RSRP1: variants seen among roughly 807,000 people sequenced by gnomAD.
RSRP1 encodes the protein arginine/serine-rich protein 1.
In RSRP1, 37 loss-of-function variants were observed where a neutral mutation model predicts 33.0. The observed-to-expected ratio is 1.12, with a 90% CI of 0.86 to 1.48. The LOEUF is 1.48. Ranked by LOEUF, RSRP1 falls within the 40% of genes most tolerant of loss-of-function variation. The pLI is 0.00. For synonymous variants in RSRP1, 167 were observed against 158.7 expected, an observed-to-expected ratio of 1.05 and a Z score of -0.40; for missense variants, 402 against 385.3, an observed-to-expected ratio of 1.04 and a Z score of -0.36.
chr1:25,248,194 T>TA (rs1639630952), upstream of RSRP1: 1 of 152,108 alleles, frequency 6.6e-6, no homozygotes, highest in Non-Finnish European at 1.5e-5. Context: ...CTGGGGATAA[T>TA]AATGAAGTCT....
At chr1:25,296,581 C>A (rs1317855043) in intron 1 of RSRP1, among the ~76,000 whole-genome samples, 1 of 130,180 alleles carries the variant, frequency 7.7e-6, no homozygotes, top group Non-Finnish European at 1.8e-5. Context: ...GTTCTGTATC[C>A]CCCTCCAATC....
chr1:25,255,521 A>G (rs533949407), intron 1 of RSRP1, among the ~76,000 whole-genome samples: 5 of 152,030 alleles, frequency 3.3e-5, no homozygotes, highest in Admixed American at 6.5e-5. Context: ...GCAGTCCCCA[A>G]CCCTTTCGGC....
upstream of RSRP1, among the ~76,000 whole-genome samples, chr1:25,252,039 C>T (rs759503803): frequency 6.6e-6 from 1 of 150,474 alleles, no homozygotes; most frequent in East Asian, 1.9e-4. Flanking sequence ...TACAGGTGCA[C>T]GCCACCACGC....
rs1641770297 is a variant in RSRP1, at chr1:25,284,382, C to T, written c.-66-37353G>A. Among the ~76,000 whole-genome samples the T allele has an allele frequency of 5.9e-5, 8 of 135,624 alleles. 1 individual carries two copies. Among genetic ancestry groups the T allele is most frequent in the Admixed American group, 5.7e-4 (8 of 14,084 alleles). 89.0% of individuals were successfully genotyped at this position (135,624 alleles called of 152,430 possible). ...CTCTAATCCTTATCTTATCCCCACA[C>T]GGCATGTTATGTTATCCCCATTATT... On this transcript the variant is annotated intron_variant, in intron 1 of 1. Transcript: ENST00000561867.
chr1:25,243,938 C>A (rs1639122555), intron 3 of RSRP1: 1 of 1,163,568 alleles, frequency 8.6e-7, no homozygotes, highest in Non-Finnish European at 1.1e-6. Flanking sequence ...TCAGAAAATA[C>A]GTTTTAAGAA....
rs1231325217 is a variant in RSRP1 at position 25,301,460 on chromosome 1, G to A, written c.-67+36518C>T. 14 of 1,319,684 alleles carry A rather than the reference G, an allele frequency of 1.1e-5. 3 individuals are homozygous for A. The highest frequency in any genetic ancestry group is 7.2e-5 in the South Asian group (6 of 83,676). The allele number at this position is 1,319,684 out of a possible 1,614,324, so 81.7% of individuals were successfully genotyped here. ...CTAGGATTCTCATCCAAAACCCCTC[G>A]AGGCTCAGACCTTTGGAGCAGGAGT... On this transcript the variant is annotated intron_variant, in intron 1 of 1. Coordinates refer to the RSRP1 transcript ENST00000561867.
chr1:25,253,990 G>T (rs1639871279), intron 1 of RSRP1: 1 of 152,238 alleles, frequency 6.6e-6, no homozygotes, highest in Non-Finnish European at 1.5e-5. Context: ...TGATACATTT[G>T]TTGATCTTAG....
upstream of RSRP1, among the ~76,000 whole-genome samples, chr1:25,251,115 C>T (rs985798668): frequency 6.6e-6 from 1 of 151,996 alleles, no homozygotes; most frequent in Non-Finnish European, 1.5e-5. Context: ...CAGCTGACAG[C>T]CAGGAAACAG....
At chr1:25,318,370 T>A (rs1380487245) in intron 1 of RSRP1, 1 of 131,598 alleles carries the variant, frequency 7.6e-6, no homozygotes, top group East Asian at 2.0e-4. Context: ...GGTAGATCAC[T>A]TGAGGTCAGG....
At chr1:25,258,476 C>T (rs753231811) in intron 1 of RSRP1, among the ~76,000 whole-genome samples, 10 of 152,152 alleles carry the variant, frequency 6.6e-5, no homozygotes, top group African/African-American at 2.2e-4. Flanking sequence ...CCGTGCCCAG[C>T]CGGCAACTGG....
At chr1:25,245,770 C>T (rs1571513201) in intron 2 of RSRP1, among the ~76,000 whole-genome samples, 1 of 152,292 alleles carries the variant, frequency 6.6e-6, no homozygotes, top group East Asian at 1.9e-4. Context: ...TTTTCTCTAG[C>T]TAATAGTGAT....
chr1:25,252,303 A>G (rs1024016491), upstream of RSRP1, among the ~76,000 whole-genome samples: 8 of 152,092 alleles, frequency 5.3e-5, no homozygotes, highest in South Asian at 2.1e-4. Context: ...GCACTCACAC[A>G]TAAGTGCAGA....
At chr1:25,306,604 T>G in intron 1 of RSRP1, 1 of 1,378,348 alleles carries the variant, frequency 7.3e-7, no homozygotes, top group Non-Finnish European at 1.0e-6. Context: ...AGGGGTGTTG[T>G]AACCGAGTGC....
In RSRP1 at chr1:25,268,635, T is replaced by C. The variant is rs1640399325; in HGVS notation, c.-66-21606A>G. On this transcript the variant is annotated intron_variant, in intron 1 of 1. Coordinates refer to the RSRP1 transcript ENST00000561867. ...TGTCAAGGGGAGAAGAAAGGGGAGT[T>C]GATGCTGTCCTTTTAAATAGGGCAG... is the stretch of plus-strand genomic sequence containing the variant. Among the ~76,000 whole-genome samples the C allele has an allele frequency of 1.6e-5, 2 of 128,688 alleles. 1 individual carries two copies. Among genetic ancestry groups the C allele is most frequent in the African/African-American group, 5.3e-5 (2 of 37,722 alleles). The allele number at this position is 128,688 out of a possible 152,430, so 84.4% of individuals were successfully genotyped here. A position where few individuals can be genotyped will look rare whatever the true frequency, so the allele number is the denominator to read the frequency against.
intron 1 of RSRP1, among the ~76,000 whole-genome samples, chr1:25,321,349 CAA>C (rs569995563): frequency 3.3e-4 from 29 of 87,070 alleles, no homozygotes; most frequent in African/African-American, 3.7e-4. Context: ...TTCTTTTTTT[CAA>C]AAAAAAAAAA....
At position 25,294,274 on chromosome 1, in the gene RSRP1, C is replaced by T. The variant is rs925636179; in HGVS notation, c.-67+43704G>A. On this transcript the variant is annotated intron_variant, in intron 1 of 1. Transcript: ENST00000561867. The stretch of plus-strand genomic sequence containing the variant: ...GAAAATGCCAAAAGCCCTGCCTTGG[C>T]AGCTTTCTGCGAGGCATCCCCATGA... 29 of 1,140,014 alleles carry T rather than the reference C, an allele frequency of 2.5e-5. 3 individuals are homozygous for T. In the Admixed American group the frequency reaches 5.2e-4, roughly 20 times the overall value. 70.6% of individuals were successfully genotyped at this position (1,140,014 alleles called of 1,614,324 possible).
chr1:25,333,710 G>C (rs2124210344), intron 1 of RSRP1, among the ~76,000 whole-genome samples: 1 of 129,858 alleles, frequency 7.7e-6, no homozygotes, highest in Non-Finnish European at 1.8e-5. Flanking sequence ...TGGACTTACA[G>C]TTCCACATGG....
chr1:25,247,696 G>A (rs1171551373), upstream of RSRP1: 1 of 152,336 alleles, frequency 6.6e-6, no homozygotes, highest in Non-Finnish European at 1.5e-5. Flanking sequence ...CCCCTGATCT[G>A]AGATAATTGC....
intron 1 of RSRP1, among the ~76,000 whole-genome samples, chr1:25,260,298 A>C (rs1640091364): frequency 6.6e-6 from 1 of 152,254 alleles, no homozygotes; most frequent in Non-Finnish European, 1.5e-5. Context: ...CAAACTACCA[A>C]GTTTTCACTT....
Sources: allele counts gnomAD v4.1 joint callset (sites outside exome capture counted in the v4.1 genomes callset), GRCh38; gene constraint gnomAD v4.1.1; transcripts MANE v1.5; gene names NCBI Gene and HGNC (gene_info 2026-07-23, HGNC 2026-07-21).